Variants in KIF13B observed in about 807,000 individuals in gnomAD.
The protein encoded by KIF13B is kinesin-like protein KIF13B.
A neutral mutation model predicts 222.0 loss-of-function variants in KIF13B; 127 were observed. The ratio of observed to expected loss-of-function variants is 0.57; its 90% CI spans 0.50 to 0.66. The LOEUF is 0.66. KIF13B is among the 30% of genes least tolerant of loss of function. The pLI is 0.00. For synonymous variants in KIF13B, 976 were observed against 919.0 expected (o/e 1.06, Z -1.12); for missense variants, 2,173 against 2,379.0 (o/e 0.91, Z 1.80).
rs147475224 is a variant in KIF13B, at chr8:29,191,176, A to G, written c.163-119T>C. ...AACTTACTGTCATACAATGGGAATT[A>G]ATTATGTATGTAGAGGCTTACAATG... On this transcript the variant is annotated intron_variant, in intron 3 of 39. Transcript: ENST00000524189. The G allele has an allele frequency of 3.0e-3, 2,195 of 725,110 alleles. 5 individuals carry two copies. Among genetic ancestry groups the G allele is most frequent in the Non-Finnish European group, 4.3e-3 (1,847 of 429,590 alleles). 44.9% of individuals were successfully genotyped at this position (725,110 alleles called of 1,614,324 possible).
intron 21 of KIF13B, 157 bp downstream of exon 21, chr8:29,139,906 A>T: frequency 1.5e-6 from 1 of 676,872 alleles, no homozygotes. Context: ...CCAAAATTTG[A>T]AAAGGAACAT....
At chr8:29,125,526 AG>A (rs1163789393) in intron 26 of KIF13B, among the ~76,000 whole-genome samples, 1 of 152,244 alleles carries the variant, frequency 6.6e-6, no homozygotes, top group Non-Finnish European at 1.5e-5. Flanking sequence ...GTTGTGCCAT[AG>A]GACTCTGTAT....
At chr8:29,225,821 C>A (rs1188062918) in intron 2 of KIF13B, among the ~76,000 whole-genome samples, 2 of 152,188 alleles carry the variant, frequency 1.3e-5, no homozygotes, top group African/African-American at 4.8e-5. Flanking sequence ...AATACAGTTT[C>A]CAAATGTTCA....
At chr8:29,223,346 C>CTAAAAAAAAAAAAAAAAA (rs1814854797) in intron 2 of KIF13B, among the ~76,000 whole-genome samples, 1 of 132,588 alleles carries the variant, frequency 7.5e-6, no homozygotes, top group Non-Finnish European at 1.5e-5. Flanking sequence ...AAAAAAAAAA[C>CTAAAAAAAAAAAAAAAAA]AAAAAAATCT....
chr8:29,148,876 A>T (rs1053811093), intron 15 of KIF13B, 109 bp from the exon 16 acceptor site: 6 of 811,238 alleles, frequency 7.4e-6, no homozygotes, highest in Non-Finnish European at 5.8e-6. Context: ...ATGTAAGTAC[A>T]AGGCAATTAC....
At chr8:29,196,658 G>GA in intron 2 of KIF13B, among the ~76,000 whole-genome samples, 1 of 151,972 alleles carries the variant, frequency 6.6e-6, no homozygotes. Flanking sequence ...TCTGGCTAAG[G>GA]AAAAAAGGCT....
At chr8:29,221,643 GTATCACCT>G (rs990863078) in intron 2 of KIF13B, among the ~76,000 whole-genome samples, 52 of 152,122 alleles carry the variant, frequency 3.4e-4, no homozygotes, top group African/African-American at 1.2e-3. Context: ...AGGTACACAT[GTATCACCT>G]AGAGTAATTG....
rs770917885 is a variant in KIF13B, at chr8:29,109,428, A to T, written c.4161+6T>A. ...CACAGCACAGAGCTTGGTTCCACAC[A>T]CTCACTCTGTTCACATTTGGAGAAC... On this transcript the variant is annotated splice_donor_region_variant and intron_variant, in intron 34 of 39. Transcript: ENST00000524189. The T allele has an allele frequency of 4.3e-6, 7 of 1,609,818 alleles. No homozygotes were observed. Among genetic ancestry groups the T allele is most frequent in the Non-Finnish European group, 3.4e-6 (4 of 1,176,204 alleles).
intron 2 of KIF13B, among the ~76,000 whole-genome samples, chr8:29,222,878 T>C (rs1814822222): frequency 6.6e-6 from 1 of 152,108 alleles, no homozygotes; most frequent in Non-Finnish European, 1.5e-5. Context: ...AGTAATATTA[T>C]GTGACATGAT....
intron 1 of KIF13B, among the ~76,000 whole-genome samples, chr8:29,261,722 T>C (rs1033158751): frequency 6.6e-6 from 1 of 152,120 alleles, no homozygotes; most frequent in African/African-American, 2.4e-5. Flanking sequence ...GAACTTAAAG[T>C]AATTAAGTTC....
chr8:29,256,806 G>A (rs559399460), intron 1 of KIF13B, among the ~76,000 whole-genome samples: 1 of 152,288 alleles, frequency 6.6e-6, no homozygotes, highest in East Asian at 1.9e-4. Context: ...CCAGGCTAGA[G>A]TGCAGTGGTG....
At chr8:29,167,782 G>A (rs1046281250) in intron 10 of KIF13B, among the ~76,000 whole-genome samples, 197 bp from the exon 11 acceptor site, 2 of 152,144 alleles carry the variant, frequency 1.3e-5, no homozygotes, top group African/African-American at 4.8e-5. Flanking sequence ...CTAAAAATAG[G>A]GAGTTTTAGC....
At chr8:29,133,198 C>T (rs1022676037) in intron 22 of KIF13B, among the ~76,000 whole-genome samples, 1 of 152,156 alleles carries the variant, frequency 6.6e-6, no homozygotes, top group Admixed American at 6.5e-5. Flanking sequence ...TGCTGCTCAC[C>T]AGCCATGGAC....
At chr8:29,141,226 C>T (rs981141072) in intron 19 of KIF13B, among the ~76,000 whole-genome samples, 4 of 151,660 alleles carry the variant, frequency 2.6e-5, no homozygotes, top group South Asian at 2.1e-4. Context: ...CCCAGCTACT[C>T]GGGAGGCTGA....
chr8:29,086,387 C>T (rs1000109726), intron 37 of KIF13B, among the ~76,000 whole-genome samples: 15 of 152,176 alleles, frequency 9.9e-5, no homozygotes, highest in African/African-American at 3.6e-4. Flanking sequence ...CAGGCATCAT[C>T]TCACATACCT....
At chr8:29,187,033 A>G (rs930990715) in intron 5 of KIF13B, among the ~76,000 whole-genome samples, 2 of 151,984 alleles carry the variant, frequency 1.3e-5, no homozygotes, top group African/African-American at 4.8e-5. Flanking sequence ...GAAAATACCT[A>G]AAACAAGTGA....
chr8:29,076,245 AC>A (rs1378560784), intron 37 of KIF13B, among the ~76,000 whole-genome samples: 1 of 152,096 alleles, frequency 6.6e-6, no homozygotes, highest in Non-Finnish European at 1.5e-5. Flanking sequence ...CCCTCCCCCT[AC>A]CCGACTGCAG....
Position 29,132,418 on chromosome 8 carries a change from T to G in KIF13B, c.2832A>C (p.Glu944Asp). ...ITEDFIEHLSEGALAIEVYGH... is the reference protein window; with the variant it reads ...ITEDFIEHLSDGALAIEVYGH... ...CATATACTTCAATTGCCAATGCTCCTTCGGAAAGATGCTCGATAAAGTCTT... is the reference window on the plus strand; with the variant it reads ...CATATACTTCAATTGCCAATGCTCCGTCGGAAAGATGCTCGATAAAGTCTT... Residue 944 changes from glutamate (E) to aspartate (D), a missense_variant, in exon 23 of 40, where the codon GAA becomes GAC. By Grantham distance (45) the Glu-to-Asp change is conservative. Around this residue, in one of 2 missense-constraint regions of KIF13B, gnomAD observed 1,480 missense variants for 1,722.8 expected, o/e 0.86. Transcript: ENST00000524189. 1 of 1,582,706 alleles carries G rather than the reference T, an allele frequency of 6.3e-7. No individual in the cohort carries two copies. The highest frequency in any genetic ancestry group is 8.6e-7 in the Non-Finnish European group (1 of 1,162,916).
chr8:29,070,960 G>A lies in KIF13B; in HGVS notation c.5219-194C>T, dbSNP rs754006452. ...AATGTGGCCAGGGCCTGGGGTGACCGCCTCCCAGGACAGTGAGCAGTGGTG... is the reference window on the plus strand; with the variant it reads ...AATGTGGCCAGGGCCTGGGGTGACCACCTCCCAGGACAGTGAGCAGTGGTG... On this transcript the variant is annotated intron_variant, in intron 39 of 39. Coordinates refer to ENST00000524189, the MANE Select transcript of KIF13B (RefSeq NM_015254.4). The surrounding 1 kb of genome is among the most constrained non-coding windows in gnomAD (Gnocchi z 4.1). 1.8e-4 allele frequency among the ~76,000 whole-genome samples: 27 copies of A among 152,184 alleles called. No individual in the cohort carries two copies. Among genetic ancestry groups the A allele is most frequent in the East Asian group, 9.7e-4 (5 of 5,178 alleles).
Sources: allele counts gnomAD v4.1 joint callset (sites outside exome capture counted in the v4.1 genomes callset), GRCh38; gene constraint gnomAD v4.1.1; regional missense constraint gnomAD v4.1.1; non-coding constraint Gnocchi (gnomAD v3.1); transcripts MANE v1.5; gene names NCBI Gene and HGNC (gene_info 2026-07-23, HGNC 2026-07-21).